Variants in MAST3 observed in about 807,000 individuals in gnomAD.
MAST3 encodes the protein microtubule-associated serine/threonine-protein kinase 3.
In MAST3, 43 loss-of-function variants were observed where a neutral mutation model predicts 127.0. The ratio of observed to expected loss-of-function variants is 0.34; its 90% CI spans 0.27 to 0.44. The LOEUF (loss-of-function observed/expected upper bound fraction) is 0.44, where lower values mean the gene tolerates loss of function less well. MAST3 is among the 20% of genes least tolerant of loss of function. The pLI, the probability that MAST3 is intolerant of heterozygous loss-of-function variation, is 1.00. For synonymous variants in MAST3, 785 were observed against 809.2 expected, an observed-to-expected ratio of 0.97 and a Z score of 0.51; for missense variants, 1,390 against 1,919.1, an observed-to-expected ratio of 0.72 and a Z score of 5.15.
At position 18,139,786 on chromosome 19, in the gene MAST3, GT is replaced by G. The variant is rs550612989; in HGVS notation, c.2205+666del. 2.3e-3 allele frequency among the ~76,000 whole-genome samples: 338 copies of G among 149,594 alleles called. 1 individual carries two copies. Among genetic ancestry groups the G allele is most frequent in the Non-Finnish European group, 3.6e-3 (245 of 67,310 alleles). On this transcript the variant is annotated intron_variant, in intron 20 of 27. Transcript: ENST00000687212. ...TTGTATTTTTTTATTTTGTTTTGTTGTTTTAATTTGCTTTTGTTTTAGCCAT... is the reference window on the plus strand; with the variant it reads ...TTGTATTTTTTTATTTTGTTTTGTTGTTTAATTTGCTTTTGTTTTAGCCAT...
chr19:18,144,031 G>A lies in MAST3; in HGVS notation c.2584+24G>A. ...TGGTAAGTGGGGCCCTGAGTAAGAG[G>A]GATGATGTCATGGAAGTTTCCCAGA... On this transcript the variant is annotated intron_variant, in intron 22 of 27. Coordinates refer to ENST00000687212, the MANE Select transcript of MAST3 (RefSeq NM_001393504.1). The surrounding 1 kb of genome is among the most constrained non-coding windows in gnomAD (Gnocchi z 4.0). 1 of 1,550,094 alleles carries A rather than the reference G, an allele frequency of 6.5e-7. No individual in the cohort carries two copies. The highest frequency in any genetic ancestry group is 8.7e-7 in the Non-Finnish European group (1 of 1,146,900).
intron 3 of MAST3, among the ~76,000 whole-genome samples, chr19:18,116,466 AT>A (rs1216370517): frequency 1.4e-5 from 2 of 147,270 alleles, no homozygotes; most frequent in South Asian, 2.2e-4. Context: ...CTAATTTTGT[AT>A]TTTTTTTAGT....
At position 18,110,014 on chromosome 19, in the gene MAST3, C is replaced by G. The variant is rs1568550312; in HGVS notation, c.72-638C>G. 1.0e-6 allele frequency: 1 copy of G among 985,254 alleles called. No individual in the cohort carries two copies. Among genetic ancestry groups the G allele is most frequent in the Non-Finnish European group, 1.2e-6 (1 of 829,908 alleles). The allele number at this position is 985,254 out of a possible 1,614,324, so 61.0% of individuals were successfully genotyped here. ...TTCCGGGGCGCAGCTCGGGGGCTCC[C>G]AAGCCGGCGGCCTCGGCGTCCCTGC... On this transcript the variant is annotated intron_variant, in intron 2 of 27. Coordinates refer to ENST00000687212, the MANE Select transcript of MAST3 (RefSeq NM_001393504.1). This position sits in a 1 kb window ranked among gnomAD's most constrained non-coding sequence, Gnocchi z 4.3.
chr19:18,147,618 C>A lies in MAST3; in HGVS notation c.3502C>A (p.Pro1168Thr). Residue 1168 changes from proline (P) to threonine (T), a missense_variant, in exon 27 of 28, where the codon CCA (proline) becomes ACA (threonine). Transcript: ENST00000687212. ...CTGCCGAAGCCCAGCCCCTGATGTC[C>A]CAGCAGGTGGGTGCACCCCGACCCC... Reference protein sequence around the residue: ...TPCRSPAPDVPADTTASPPSA... With the variant: ...TPCRSPAPDVTADTTASPPSA... 1 of 1,546,874 alleles carries A rather than the reference C, an allele frequency of 6.5e-7. No homozygotes were observed. Among genetic ancestry groups the A allele is most frequent in the Non-Finnish European group, 8.7e-7 (1 of 1,144,220 alleles).
chr19:18,126,908 G>A (rs928771773), intron 11 of MAST3, among the ~76,000 whole-genome samples: 2 of 151,892 alleles, frequency 1.3e-5, no homozygotes, highest in African/African-American at 4.8e-5. Flanking sequence ...AGCCTCCCGA[G>A]TAGCTGGGAC....
At chr19:18,143,672 G>A (rs972709876) in intron 21 of MAST3, 91 bp from the exon 22 acceptor site, 1 of 1,519,386 alleles carries the variant, frequency 6.6e-7, no homozygotes, top group Admixed American at 1.9e-5. Context: ...CTTGACTGCA[G>A]ACTGAGAGTT....
At chr19:18,099,193 A>C (rs1464658477) in intron 1 of MAST3, among the ~76,000 whole-genome samples, 1 of 151,586 alleles carries the variant, frequency 6.6e-6, no homozygotes, top group Non-Finnish European at 1.5e-5. Flanking sequence ...TCAGCAGGTG[A>C]TGGGAAGCCA....
chr19:18,102,898 C>T (rs1379842576), intron 1 of MAST3, among the ~76,000 whole-genome samples: 1 of 152,226 alleles, frequency 6.6e-6, no homozygotes, highest in Non-Finnish European at 1.5e-5. Flanking sequence ...TATGGGGGTG[C>T]TCCTGCTGTG....
chr19:18,137,708 G>A (rs1599847745), intron 19 of MAST3, among the ~76,000 whole-genome samples: 1 of 152,134 alleles, frequency 6.6e-6, no homozygotes, highest in East Asian at 1.9e-4. Context: ...ACCCAGGAGG[G>A]TAGGGCGCCT....
rs550769837 is a variant in MAST3 at position 18,107,494 on chromosome 19, G to T, written c.40-93G>T. On this transcript the variant is annotated intron_variant, in intron 1 of 27. Coordinates refer to ENST00000687212, the MANE Select transcript of MAST3 (RefSeq NM_001393504.1). ...GAGCGGGAAAGATGCATTGGTTGGG[G>T]CATGGGATTGGGGATTGTGGGGGTG... is the stretch of plus-strand genomic sequence containing the variant. The T allele has an allele frequency of 2.7e-5, 33 of 1,243,182 alleles. No homozygotes were observed. In the East Asian group the frequency reaches 4.6e-4, roughly 17 times the overall value. The allele number at this position is 1,243,182 out of a possible 1,614,324, so 77.0% of individuals were successfully genotyped here.
intron 3 of MAST3, among the ~76,000 whole-genome samples, chr19:18,116,090 C>CTTTTT (rs3048876): frequency 0.053 from 4,603 of 86,250 alleles, 404 homozygotes; most frequent in Non-Finnish European, 0.062. Flanking sequence ...TTGAAATTAT[C>CTTTTT]TTTTTTTTTT....
intron 3 of MAST3, among the ~76,000 whole-genome samples, chr19:18,111,530 CTT>C (rs576984210): frequency 8.7e-5 from 9 of 103,254 alleles, no homozygotes; most frequent in East Asian, 2.5e-4. Flanking sequence ...TTTCCACAGA[CTT>C]TTTTTTTTTT....
intron 14 of MAST3, among the ~76,000 whole-genome samples, chr19:18,131,240 A>T (rs1262461624): frequency 1.3e-5 from 2 of 151,456 alleles, no homozygotes; most frequent in African/African-American, 4.9e-5. Context: ...ACATGGCGAA[A>T]CCCCCATTCA....
chr19:18,114,891 G>A (rs536183166), intron 3 of MAST3, among the ~76,000 whole-genome samples: 2 of 152,190 alleles, frequency 1.3e-5, no homozygotes, highest in East Asian at 1.9e-4. Context: ...TGCTGGGAGC[G>A]GCACAGATAT....
chr19:18,139,756 C>T (rs991789636), intron 20 of MAST3, among the ~76,000 whole-genome samples: 11 of 152,134 alleles, frequency 7.2e-5, no homozygotes, highest in African/African-American at 1.4e-4. Flanking sequence ...CCATCGCACC[C>T]GGCCTTGTAT....
intron 19 of MAST3, 145 bp from the exon 20 acceptor site, chr19:18,138,870 C>G (rs2042153139): frequency 3.2e-6 from 2 of 629,826 alleles, no homozygotes; most frequent in Non-Finnish European, 5.8e-6. Context: ...CTCCCGTGGT[C>G]CTTAAACACA....
Position 18,110,211 on chromosome 19 carries a change from C to T in MAST3, c.72-441C>T, listed in dbSNP as rs1284136537. 2 of 985,394 alleles carry T rather than the reference C, an allele frequency of 2.0e-6. No individual in the cohort carries two copies. The highest frequency in any genetic ancestry group is 4.7e-5 in the South Asian group (1 of 21,298). 61.0% of individuals were successfully genotyped at this position (985,394 alleles called of 1,614,324 possible). ...TGCCGCACCAGCCAGGCGTCTGTCCCTGCGTCCGTGTGTCCGTCCGTCGGT... is the reference window on the plus strand; with the variant it reads ...TGCCGCACCAGCCAGGCGTCTGTCCTTGCGTCCGTGTGTCCGTCCGTCGGT... On this transcript the variant is annotated intron_variant, in intron 2 of 27. Coordinates refer to ENST00000687212, the MANE Select transcript of MAST3 (RefSeq NM_001393504.1). This position sits in a 1 kb window ranked among gnomAD's most constrained non-coding sequence, Gnocchi z 4.3.
In MAST3 at chr19:18,145,306, A is replaced by G; in HGVS notation, c.3039+77A>G. 2 of 1,415,376 alleles carry G rather than the reference A, an allele frequency of 1.4e-6. No individual in the cohort carries two copies. The highest frequency in any genetic ancestry group is 4.6e-5 in the East Asian group (2 of 43,670). The allele number at this position is 1,415,376 out of a possible 1,614,324, so 87.7% of individuals were successfully genotyped here. On this transcript the variant is annotated intron_variant, in intron 24 of 27. Coordinates refer to ENST00000687212, the MANE Select transcript of MAST3 (RefSeq NM_001393504.1). This position sits in a 1 kb window ranked among gnomAD's most constrained non-coding sequence, Gnocchi z 5.9. ...CGGTCATGTCCCTTCTCAGAGCTGC[A>G]TTTTGGAGCCTGGCAGGGTTAGGTA...
chr19:18,145,262 G>A lies in MAST3; in HGVS notation c.3039+33G>A, dbSNP rs777153803. The A allele has an allele frequency of 1.9e-6, 3 of 1,597,722 alleles. No homozygotes were observed. The highest frequency in any genetic ancestry group is 2.6e-6 in the Non-Finnish European group (3 of 1,165,732). On this transcript the variant is annotated intron_variant, in intron 24 of 27. Transcript: ENST00000687212. The surrounding 1 kb of genome is among the most constrained non-coding windows in gnomAD (Gnocchi z 5.9). ...CCGAGTGGGAATGGCAGGGACCCGG[G>A]TTCTAGTTTGACTCTGCCCGGTCAT...
Sources: allele counts gnomAD v4.1 joint callset (sites outside exome capture counted in the v4.1 genomes callset), GRCh38; gene constraint gnomAD v4.1.1; non-coding constraint Gnocchi (gnomAD v3.1); transcripts MANE v1.5; gene names NCBI Gene and HGNC (gene_info 2026-07-23, HGNC 2026-07-21).